The following MIS18BP1 variants were observed in gnomAD, a reference collection of about 807,000 sequenced individuals.
MIS18BP1 encodes MIS18 binding protein 1.
A neutral mutation model predicts 116.1 loss-of-function variants in MIS18BP1; 72 were observed. The ratio of observed to expected loss-of-function variants is 0.62; its 90% CI spans 0.51 to 0.75. The LOEUF (loss-of-function observed/expected upper bound fraction) is 0.75, where lower values mean the gene tolerates loss of function less well. Ranked by LOEUF, MIS18BP1 falls within the 30% of genes least tolerant of loss-of-function variation. The pLI, the probability that MIS18BP1 is intolerant of heterozygous loss-of-function variation, is 0.00. For missense variants in MIS18BP1, 1,363 were observed against 1,303.2 expected, an observed-to-expected ratio of 1.05 and a Z score of -0.71; for synonymous variants, 386 against 427.0, an observed-to-expected ratio of 0.90 and a Z score of 1.18.
chr14:45,224,300 A>T lies in MIS18BP1; in HGVS notation c.2287T>A (p.Tyr763Asn). ...AAATCTGGTGAGGACTGATGCTTAT[A>T]AAATGACATAGCTACCTGATTTTCT... Reference protein sequence around the residue: ...KIENQVAMSFYKHQSSPDLSS... With the variant: ...KIENQVAMSFNKHQSSPDLSS... Residue 763 changes from tyrosine to asparagine, a missense_variant, in exon 11 of 17, where the codon TAT becomes AAT. Transcript: ENST00000310806. 6.2e-7 allele frequency: 1 copy of T among 1,613,922 alleles called. No individual in the cohort carries two copies.
chr14:45,242,817 T>C lies in MIS18BP1; in HGVS notation c.602A>G (p.Lys201Arg), dbSNP rs1038022619. The change falls in exon 3 of 17, where the codon AAA (lysine) becomes AGA (arginine). Residue 201 changes from lysine (K) to arginine (R), a missense_variant. By Grantham distance (26) the Lys-to-Arg change is conservative. Coordinates refer to ENST00000310806, the MANE Select transcript of MIS18BP1 (RefSeq NM_018353.5). ...SSNNDIFLPV[K>R]QKIQCQQEKK... is the part of the protein sequence containing the mutation. ...TTCCTGCTGGCACTGAATCTTTTGT[T>C]TGACCGGGAGGAAAATATCATTATT... The C allele has an allele frequency of 6.2e-7, 1 of 1,613,690 alleles. No individual in the cohort carries two copies. The highest frequency in any genetic ancestry group is 8.5e-7 in the Non-Finnish European group (1 of 1,179,792).
rs778996061 is a variant in MIS18BP1, at chr14:45,235,940, C to T, written c.1222G>A (p.Val408Ile). The T allele has an allele frequency of 1.1e-5, 18 of 1,594,832 alleles. No homozygotes were observed. The highest frequency in any genetic ancestry group is 1.8e-5 in the Admixed American group (1 of 54,278). The change falls in exon 6 of 17, where the codon GTC becomes ATC. Residue 408 changes from valine (V) to isoleucine (I), a missense_variant. Coordinates refer to ENST00000310806, the MANE Select transcript of MIS18BP1 (RefSeq NM_018353.5). ...TTACTGTGCCAATATATGTTAGTGA[C>T]GTCTCTAGGAAAAAAAAATAGTTTT... The part of the protein sequence containing the change: ...AICVEGKLID[V>I]TNIYWHSNVI...
At position 45,224,359 on chromosome 14, in the gene MIS18BP1, T is replaced by C; in HGVS notation, c.2228A>G (p.Lys743Arg). 1 of 1,613,578 alleles carries C rather than the reference T, an allele frequency of 6.2e-7. No homozygotes were observed. Among genetic ancestry groups the C allele is most frequent in the East Asian group, 2.2e-5 (1 of 44,870 alleles). Reference sequence around the variant, plus strand: ...CAATTTTGGTAATAGTCTGGTATTTTTCTTAAAGTCAGAGGTGAGCATTTG... The same window carrying C: ...CAATTTTGGTAATAGTCTGGTATTTCTCTTAAAGTCAGAGGTGAGCATTTG... ...KEQMLTSDFKKNTRLLPKLKK... is the reference protein window; with the variant it reads ...KEQMLTSDFKRNTRLLPKLKK... The change falls in exon 11 of 17, where the codon AAA becomes AGA. Residue 743 changes from lysine to arginine, a missense_variant. By Grantham distance (26) the Lys-to-Arg change is conservative. Coordinates refer to ENST00000310806, the MANE Select transcript of MIS18BP1 (RefSeq NM_018353.5).
chr14:45,215,237 C>G (rs1176777514), intron 13 of MIS18BP1, among the ~76,000 whole-genome samples: 1 of 152,038 alleles, frequency 6.6e-6, no homozygotes, highest in Non-Finnish European at 1.5e-5. Flanking sequence ...AAAAGGGGGC[C>G]CAGTTAATGA....
intron 8 of MIS18BP1, 101 bp downstream of exon 8, chr14:45,231,040 T>C: frequency 4.0e-6 from 5 of 1,251,512 alleles, no homozygotes; most frequent in Non-Finnish European, 5.5e-6. Context: ...AAGAATACTA[T>C]ACTATACACA....
intron 8 of MIS18BP1, among the ~76,000 whole-genome samples, chr14:45,229,139 G>A (rs1483315616): frequency 6.6e-6 from 1 of 151,614 alleles, no homozygotes; most frequent in East Asian, 1.9e-4. Context: ...TGGGGGTGGG[G>A]GTGGGGGGAA....
intron 4 of MIS18BP1, 79 bp downstream of exon 4, chr14:45,241,955 T>A (rs1891587096): frequency 7.0e-7 from 1 of 1,433,794 alleles, no homozygotes; most frequent in Non-Finnish European, 9.4e-7. Flanking sequence ...AAAAAAATAA[T>A]GAGAGAACAT....
chr14:45,252,136 G>T (rs1336380998), intron 1 of MIS18BP1, among the ~76,000 whole-genome samples: 1 of 152,110 alleles, frequency 6.6e-6, no homozygotes, highest in Non-Finnish European at 1.5e-5. Flanking sequence ...AAGAGGAACC[G>T]ATTCTACCCG....
At chr14:45,234,272 T>A (rs1436838027) in intron 6 of MIS18BP1, among the ~76,000 whole-genome samples, 1 of 150,048 alleles carries the variant, frequency 6.7e-6, no homozygotes, top group Non-Finnish European at 1.5e-5. Context: ...CAGAAGTAAA[T>A]GTAAACAAAC....
At position 45,227,895 on chromosome 14, in the gene MIS18BP1, C is replaced by T. The variant is rs376681598; in HGVS notation, c.1595-81G>A. 73 of 1,427,700 alleles carry T rather than the reference C, an allele frequency of 5.1e-5. No homozygotes were observed. In the Middle Eastern group the frequency reaches 1.6e-3, roughly 32 times the overall value. 88.4% of individuals were successfully genotyped at this position (1,427,700 alleles called of 1,614,324 possible). A position where few individuals can be genotyped will look rare whatever the true frequency, so the allele number is the denominator to read the frequency against. On this transcript the variant is annotated intron_variant, in intron 8 of 16. Coordinates refer to ENST00000310806, the MANE Select transcript of MIS18BP1 (RefSeq NM_018353.5). Reference sequence around the variant, plus strand: ...TTTCTACATGAAGAATTAACTTTGACGCTAGGTGTGGTGGCTCACGCCTGT... The same window carrying T: ...TTTCTACATGAAGAATTAACTTTGATGCTAGGTGTGGTGGCTCACGCCTGT...
intron 6 of MIS18BP1, among the ~76,000 whole-genome samples, chr14:45,233,215 T>C (rs1454529561): frequency 6.6e-6 from 1 of 152,094 alleles, no homozygotes; most frequent in Non-Finnish European, 1.5e-5. Flanking sequence ...TGGGTTAGAA[T>C]ACTGGAAACA....
At chr14:45,235,672 G>A in intron 6 of MIS18BP1, 142 bp downstream of exon 6, 1 of 596,998 alleles carries the variant, frequency 1.7e-6, no homozygotes. Flanking sequence ...AAAATTACCA[G>A]TTTTATATAA....
intron 1 of MIS18BP1, 122 bp downstream of exon 1, chr14:45,252,913 A>G (rs2139269415): frequency 6.6e-6 from 1 of 152,378 alleles, no homozygotes; most frequent in South Asian, 2.1e-4. Flanking sequence ...ATCCGTACCA[A>G]AGCCAGAAAT....
At chr14:45,226,395 C>T (rs573457212) in intron 10 of MIS18BP1, among the ~76,000 whole-genome samples, 1 of 152,290 alleles carries the variant, frequency 6.6e-6, no homozygotes, top group East Asian at 1.9e-4. Flanking sequence ...AATTAAATCA[C>T]TCTGAAAATC....
At chr14:45,218,587 C>T (rs1162873856) in intron 11 of MIS18BP1, 133 bp from the exon 12 acceptor site, 6 of 860,236 alleles carry the variant, frequency 7.0e-6, no homozygotes, top group Non-Finnish European at 8.4e-6. Flanking sequence ...TTCTGGATAA[C>T]AATTAAGAAA....
At chr14:45,239,252 G>C (rs1891510182) in intron 4 of MIS18BP1, among the ~76,000 whole-genome samples, 2 of 152,130 alleles carry the variant, frequency 1.3e-5, no homozygotes, top group Non-Finnish European at 2.9e-5. Flanking sequence ...TGTGTGTTAG[G>C]GTTGGGGGTG....
intron 14 of MIS18BP1, chr14:45,210,138 T>C (rs375514847): frequency 9.2e-6 from 3 of 325,654 alleles, no homozygotes; most frequent in South Asian, 1.1e-4. Context: ...TTTTTACAAG[T>C]AAAACCTTGA....
At chr14:45,233,177 A>G (rs1317101527) in intron 6 of MIS18BP1, among the ~76,000 whole-genome samples, 1 of 152,190 alleles carries the variant, frequency 6.6e-6, no homozygotes. Flanking sequence ...CATCATTTGA[A>G]CAAAGTGATT....
intron 14 of MIS18BP1, 127 bp downstream of exon 14, chr14:45,210,253 T>C: frequency 4.1e-6 from 4 of 977,154 alleles, no homozygotes; most frequent in Non-Finnish European, 5.9e-6. Flanking sequence ...TTCTAGAAAC[T>C]ACACATTCTT....
Sources: allele counts gnomAD v4.1 joint callset (sites outside exome capture counted in the v4.1 genomes callset), GRCh38; gene constraint gnomAD v4.1.1; transcripts MANE v1.5; gene names NCBI Gene and HGNC (gene_info 2026-07-23, HGNC 2026-07-21).